DSCAML1: variants seen among roughly 807,000 people sequenced by gnomAD.
DSCAML1 encodes cell adhesion molecule DSCAML1.
A neutral mutation model predicts 200.5 loss-of-function variants in DSCAML1; 38 were observed. The observed-to-expected ratio is 0.19, with a 90% confidence interval of 0.15 to 0.25. The LOEUF (loss-of-function observed/expected upper bound fraction) is 0.25. DSCAML1 is among the 10% of genes least tolerant of loss of function. The pLI, the probability that DSCAML1 is intolerant of heterozygous loss-of-function variation, is 1.00. For missense variants in DSCAML1, 2,223 were observed against 2,858.8 expected, an observed-to-expected ratio of 0.78 and a Z score of 5.07; for synonymous variants, 1,215 against 1,165.0, an observed-to-expected ratio of 1.04 and a Z score of -0.87.
chr11:117,469,985 G>C lies in DSCAML1; in HGVS notation c.2954-5C>G. ...CCATGGGGGGCCCATCGGGAGCTGA[G>C]CAGGGTAGCGGGGAGGAGAAACATT... On this transcript the variant is annotated splice_region_variant and splice_polypyrimidine_tract_variant and intron_variant, in intron 15 of 32. Transcript: ENST00000651296. This position sits in a 1 kb window ranked among gnomAD's most constrained non-coding sequence, Gnocchi z 4.1. 2.5e-6 allele frequency: 4 copies of C among 1,601,184 alleles called. No homozygotes were observed. Among genetic ancestry groups the C allele is most frequent in the Non-Finnish European group, 3.4e-6 (4 of 1,171,804 alleles).
intron 3 of DSCAML1, among the ~76,000 whole-genome samples, chr11:117,607,936 C>T (rs903413881): frequency 6.6e-6 from 1 of 152,202 alleles, no homozygotes; most frequent in Non-Finnish European, 1.5e-5. Context: ...CCCACCAGAG[C>T]GTTTAAACTG....
At chr11:117,694,410 G>T (rs1484852711) in intron 3 of DSCAML1, among the ~76,000 whole-genome samples, 4 of 119,154 alleles carry the variant, frequency 3.4e-5, no homozygotes, top group Non-Finnish European at 5.5e-5. Context: ...CATCTCAAAA[G>T]AAAAAAAAAA....
At chr11:117,623,222 T>TTC (rs1322117870) in intron 3 of DSCAML1, among the ~76,000 whole-genome samples, 42 of 144,182 alleles carry the variant, frequency 2.9e-4, no homozygotes, top group Non-Finnish European at 5.5e-4. Context: ...TTTTCTTTTT[T>TTC]TTTTTTTTTT....
intron 3 of DSCAML1, among the ~76,000 whole-genome samples, chr11:117,578,610 C>T (rs939600956): frequency 6.6e-6 from 1 of 152,074 alleles, no homozygotes; most frequent in Non-Finnish European, 1.5e-5. Flanking sequence ...TTCAAGGCTA[C>T]AGTGAGCTAT....
At chr11:117,695,306 T>C (rs2053567936) in intron 3 of DSCAML1, among the ~76,000 whole-genome samples, 1 of 146,422 alleles carries the variant, frequency 6.8e-6, no homozygotes, top group South Asian at 2.1e-4. Context: ...CTTTTCTTTC[T>C]TTCTTTTTCT....
At chr11:117,733,076 C>T (rs914864090) in intron 3 of DSCAML1, among the ~76,000 whole-genome samples, 1 of 152,002 alleles carries the variant, frequency 6.6e-6, no homozygotes, top group African/African-American at 2.4e-5. Flanking sequence ...GGTGAACTGG[C>T]AGGAGAGGAG....
At chr11:117,630,656 G>A (rs2052152014) in intron 3 of DSCAML1, among the ~76,000 whole-genome samples, 3 of 27,516 alleles carry the variant, frequency 1.1e-4, no homozygotes, top group East Asian at 6.6e-4. Flanking sequence ...GCATAAAGTG[G>A]CCAAAAAAAA....
chr11:117,755,497 C>A (rs901220458), intron 3 of DSCAML1, among the ~76,000 whole-genome samples: 4 of 151,296 alleles, frequency 2.6e-5, no homozygotes, highest in African/African-American at 9.7e-5. Flanking sequence ...CCATCCCTGC[C>A]CCCCGTCTCC....
chr11:117,472,429 C>T (rs2048704670), intron 14 of DSCAML1, among the ~76,000 whole-genome samples: 2 of 152,206 alleles, frequency 1.3e-5, no homozygotes, highest in African/African-American at 4.8e-5. Flanking sequence ...CCCATTTACC[C>T]AGTGGCCCCC....
chr11:117,540,970 TA>T (rs2050258428), intron 3 of DSCAML1, among the ~76,000 whole-genome samples: 1 of 152,182 alleles, frequency 6.6e-6, no homozygotes, highest in Non-Finnish European at 1.5e-5. Context: ...CAGTCTTGAA[TA>T]GAAGAAATAA....
rs1478201139 is a variant in DSCAML1 at position 117,780,078 on chromosome 11, CT to C, written c.364+414del. ...GGAAAACTGAGGCTTAGGAAGGTGT[CT>C]TCTCACCACTGCACTCCAGTCTGGG... On this transcript the variant is annotated intron_variant, in intron 2 of 32. Transcript: ENST00000651296. The surrounding 1 kb of genome is among the most constrained non-coding windows in gnomAD (Gnocchi z 4.8). 2.7e-5 allele frequency among the ~76,000 whole-genome samples: 4 copies of C among 150,484 alleles called. No individual in the cohort carries two copies. Among genetic ancestry groups the C allele is most frequent in the Non-Finnish European group, 5.9e-5 (4 of 67,740 alleles).
At chr11:117,451,968 A>G (rs1163425641) in intron 19 of DSCAML1, among the ~76,000 whole-genome samples, 2 of 152,206 alleles carry the variant, frequency 1.3e-5, no homozygotes, top group African/African-American at 4.8e-5. Context: ...ATTTGGGGCT[A>G]AATAAAATAA....
chr11:117,780,270 AAG>A lies in DSCAML1; in HGVS notation c.364+221_364+222del, dbSNP rs1173072970. Among the ~76,000 whole-genome samples, 2 of 95,108 alleles carry A rather than the reference AAG, an allele frequency of 2.1e-5. No homozygotes were observed. Among genetic ancestry groups the A allele is most frequent in the African/African-American group, 3.3e-5 (1 of 30,378 alleles). 62.4% of individuals were successfully genotyped at this position (95,108 alleles called of 152,430 possible). The stretch of plus-strand genomic sequence containing the variant: ...AAAGAAAGAAAGAAAGAAAGAAAGA[AAG>A]AAAGAAAGAAAGAAAGAAAGAAAGA... On this transcript the variant is annotated intron_variant, in intron 2 of 32. Transcript: ENST00000651296. This position sits in a 1 kb window ranked among gnomAD's most constrained non-coding sequence, Gnocchi z 4.8.
At chr11:117,792,001 T>C (rs566262537) in intron 1 of DSCAML1, among the ~76,000 whole-genome samples, 2 of 152,356 alleles carry the variant, frequency 1.3e-5, no homozygotes, top group Admixed American at 1.3e-4. Flanking sequence ...AGGATGTGAA[T>C]GAAAGATTTG....
intron 3 of DSCAML1, among the ~76,000 whole-genome samples, chr11:117,672,268 G>A (rs2053126574): frequency 6.6e-6 from 1 of 152,088 alleles, no homozygotes; most frequent in Non-Finnish European, 1.5e-5. Flanking sequence ...TCCCAGCCCA[G>A]TGCCCTTGAA....
rs2055579012 is a variant in DSCAML1, at chr11:117,796,519, A to G, written c.46+515T>C. Among the ~76,000 whole-genome samples the G allele has an allele frequency of 1.3e-5, 2 of 152,234 alleles. 1 individual carries two copies. The highest frequency in any genetic ancestry group is 4.1e-4 in the South Asian group (2 of 4,838). On this transcript the variant is annotated intron_variant, in intron 1 of 32. Coordinates refer to ENST00000651296, the MANE Select transcript of DSCAML1 (RefSeq NM_020693.4). ...CCCTGCCTCCAGCCAATGCGCGGAT[A>G]AGCGCCATGCGGTGCGCCAACATTC...
At position 117,433,237 on chromosome 11, in the gene DSCAML1, C is replaced by A; in HGVS notation, c.4927G>T (p.Asp1643Tyr). The A allele has an allele frequency of 6.2e-7, 1 of 1,612,028 alleles. No homozygotes were observed. The highest frequency in any genetic ancestry group is 1.1e-5 in the South Asian group (1 of 90,816). ...TGGGGTGGCCCTTTCACAGGGGTGT[C>A]AAAGCTTCTATTGTTCTTGCTGTGG... The part of the protein sequence containing the change: ...MLISKNNRSF[D>Y]TPVKGPPQGP... The change falls in exon 29 of 33, where the codon GAC (aspartate) becomes TAC (tyrosine). Residue 1643 changes from aspartate (D) to tyrosine (Y), a missense_variant. Coordinates refer to ENST00000651296, the MANE Select transcript of DSCAML1 (RefSeq NM_020693.4).
rs1318735400 is a variant in DSCAML1, at chr11:117,469,887, G to A, written c.3024+23C>T. On this transcript the variant is annotated intron_variant, in intron 16 of 32. Coordinates refer to ENST00000651296, the MANE Select transcript of DSCAML1 (RefSeq NM_020693.4). This position sits in a 1 kb window ranked among gnomAD's most constrained non-coding sequence, Gnocchi z 4.1. ...AGAGGAGGCAAGCAGACATTCCAGG[G>A]GAGATGCCTTAGACACACTTACCTT... The A allele has an allele frequency of 1.9e-6, 3 of 1,587,768 alleles. No homozygotes were observed. Among genetic ancestry groups the A allele is most frequent in the African/African-American group, 1.3e-5 (1 of 74,712 alleles).
rs1423862422 is a variant in DSCAML1, at chr11:117,756,080, C to A, written c.511+20711G>T. Among the ~76,000 whole-genome samples the A allele has an allele frequency of 2.6e-5, 4 of 152,272 alleles. No individual in the cohort carries two copies. The East Asian group carries it at 7.7e-4, about 29-fold the overall frequency. On this transcript the variant is annotated intron_variant, in intron 3 of 32. Transcript: ENST00000651296. ...AAATTGTGTGAAAGATCTGAAAGAC[C>A]CTCTGAATTCTCCCTAGTTAGGAAG...
Sources: gnomAD v4.1 joint callset for allele counts (sites outside exome capture counted in the v4.1 genomes callset) on GRCh38, gnomAD v4.1.1 for gene constraint, Gnocchi (gnomAD v3.1) non-coding constraint, MANE v1.5 for transcripts, NCBI Gene and HGNC (gene_info 2026-07-23, HGNC 2026-07-21) for gene names.